ABCA8: variants seen among roughly 807,000 people sequenced by gnomAD.
ABCA8 encodes ABC-type organic anion transporter ABCA8.
Under a neutral mutation model 192.3 loss-of-function variants are expected in ABCA8, and 177 were observed. The ratio of observed to expected loss-of-function variants is 0.92; its 90% confidence interval spans 0.81 to 1.04. ABCA8 has a LOEUF of 1.04. Ranked by LOEUF, ABCA8 falls within the 50% of genes least tolerant of loss-of-function variation. ABCA8 has a pLI of 0.00. For missense variants in ABCA8, 1,915 were observed against 1,904.8 expected, an observed-to-expected ratio of 1.01 and a Z score of -0.10; for synonymous variants, 642 against 690.2, an observed-to-expected ratio of 0.93 and a Z score of 1.09.
At chr17:68,931,761 C>CTTTTTTTTTTTTTTT (rs71144640) in intron 7 of ABCA8, 6 of 96,194 alleles carry the variant, frequency 6.2e-5, no homozygotes, top group Non-Finnish European at 9.9e-5. Flanking sequence ...AATACATTTC[C>CTTTTTTTTTTTTTTT]TTTTTTTTTT....
chr17:68,906,045 C>A lies in ABCA8; in HGVS notation c.2397G>T (p.Ser799=). 6.3e-7 allele frequency: 1 copy of A among 1,580,994 alleles called. No individual in the cohort carries two copies. Among genetic ancestry groups the A allele is most frequent in the Non-Finnish European group, 8.6e-7 (1 of 1,164,710 alleles). The change falls in exon 19 of 40, where the codon TCG becomes TCT. Residue 799 remains serine, a splice_region_variant and synonymous_variant. Transcript: ENST00000586539. ...KLEGKSTINE[S]DIAILGEVQA... ...ATAATTTTCATGCATTTTATTTACC[C>A]GATTCATTAATTGTAGATTTTCCTT...
At chr17:68,884,028 A>T (rs778360557) in intron 28 of ABCA8, 146 bp from the exon 29 acceptor site, 13 of 632,940 alleles carry the variant, frequency 2.1e-5, no homozygotes, top group Non-Finnish European at 3.2e-5. Context: ...CAAATTGTGA[A>T]ACTATCAAGT....
intron 25 of ABCA8, 68 bp downstream of exon 25, chr17:68,887,247 TAAATATTGATAGAAATGTTCC>T: frequency 7.3e-7 from 1 of 1,362,258 alleles, no homozygotes; most frequent in South Asian, 1.5e-5. Context: ...TATGACCATA[TAAATATTGATAGAAATGTTCC>T]AAAATTTCAA....
chr17:68,907,833 C>G lies in ABCA8; in HGVS notation c.2185G>C (p.Val729Leu), dbSNP rs1230929069. ...TTGGCATCAGGGATGTGCTGTTTAA[C>G]AAGTGATGTTATGTTTTCCTCAACA... ...ICVEENITSL[V>L]KQHIPDAKLS... Residue 729 changes from valine (V) to leucine (L), a missense_variant, in exon 18 of 40, where the codon GTT becomes CTT. Coordinates refer to ENST00000586539, the MANE Select transcript of ABCA8 (RefSeq NM_001288985.2). 1.2e-6 allele frequency: 2 copies of G among 1,602,046 alleles called. No homozygotes were observed. The highest frequency in any genetic ancestry group is 1.7e-6 in the Non-Finnish European group (2 of 1,174,966).
rs756333899 is a variant in ABCA8, at chr17:68,937,121, G to A, written c.302-6C>T. The A allele has an allele frequency of 2.5e-6, 4 of 1,581,192 alleles. No homozygotes were observed. Among genetic ancestry groups the A allele is most frequent in the Non-Finnish European group, 3.4e-6 (4 of 1,168,630 alleles). ...CAGTCCCAAGACCTCTTTACCTTTTGTTACAAGAAGGAATATTATTGTTAG... is the reference window on the plus strand; with the variant it reads ...CAGTCCCAAGACCTCTTTACCTTTTATTACAAGAAGGAATATTATTGTTAG... On this transcript the variant is annotated splice_polypyrimidine_tract_variant and splice_region_variant and intron_variant, in intron 4 of 39. Transcript: ENST00000586539.
intron 20 of ABCA8, 106 bp from the exon 21 acceptor site, chr17:68,902,985 A>G: frequency 1.0e-6 from 1 of 986,214 alleles, no homozygotes; most frequent in South Asian, 1.8e-5. Flanking sequence ...AAAATTAAAC[A>G]CAATTAACTG....
At position 68,872,500 on chromosome 17, in the gene ABCA8, C is replaced by T. The variant is rs1385577405; in HGVS notation, c.4632-2721G>A. On this transcript the variant is annotated intron_variant, in intron 37 of 39. Coordinates refer to ENST00000586539, the MANE Select transcript of ABCA8 (RefSeq NM_001288985.2). ...CTAGATGACGAGTTAGTGGGTGCAG[C>T]GCACCAGCATGGCACATGTATACAT... Among the ~76,000 whole-genome samples, 12 of 149,950 alleles carry T rather than the reference C, an allele frequency of 8.0e-5. No homozygotes were observed. The South Asian group carries it at 1.1e-3, about 13-fold the overall frequency.
intron 31 of ABCA8, among the ~76,000 whole-genome samples, chr17:68,881,607 A>C (rs774024468): frequency 3.9e-5 from 6 of 152,240 alleles, no homozygotes; most frequent in Non-Finnish European, 8.8e-5. Flanking sequence ...AATTGTGTTC[A>C]TTTAATAGAA....
chr17:68,922,223 T>C lies in ABCA8; in HGVS notation c.1501+19A>G, dbSNP rs764579997. ...TTTTTTTTTTTTTTTTTTTTTTTTT[T>C]TTTTTTTTTTTTTTTTACCTTTCAA... On this transcript the variant is annotated intron_variant, in intron 12 of 39. Coordinates refer to ENST00000586539, the MANE Select transcript of ABCA8 (RefSeq NM_001288985.2). 8.4e-4 allele frequency: 144 copies of C among 170,464 alleles called. 9 individuals carry two copies. The highest frequency in any genetic ancestry group is 3.9e-3 in the Middle Eastern group (2 of 510). The allele number at this position is 170,464 out of a possible 1,614,324, so 10.6% of individuals were successfully genotyped here. A position where few individuals can be genotyped will look rare whatever the true frequency, so the allele number is the denominator to read the frequency against.
chr17:68,868,021 G>T lies in ABCA8; in HGVS notation c.*64C>A. The T allele has an allele frequency of 8.8e-7, 1 of 1,134,338 alleles. No homozygotes were observed. Among genetic ancestry groups the T allele is most frequent in the Non-Finnish European group, 1.3e-6 (1 of 794,410 alleles). The allele number at this position is 1,134,338 out of a possible 1,614,324, so 70.3% of individuals were successfully genotyped here. A position where few individuals can be genotyped will look rare whatever the true frequency, so the allele number is the denominator to read the frequency against. On this transcript the variant is annotated 3_prime_UTR_variant, in exon 40 of 40. Coordinates refer to ENST00000586539, the MANE Select transcript of ABCA8 (RefSeq NM_001288985.2). ...TAGTTTCTAAAAATAGAACATTGCT[G>T]CTATAAAAATAAATGTATTTAAAAA...
At chr17:68,883,712 G>T (rs965613339) in intron 29 of ABCA8, 79 bp downstream of exon 29, 2 of 934,854 alleles carry the variant, frequency 2.1e-6, no homozygotes, top group Non-Finnish European at 3.3e-6. Context: ...GCACCTCTTT[G>T]TTAATGAATT....
chr17:68,932,825 G>A (rs1021605545), intron 6 of ABCA8, among the ~76,000 whole-genome samples: 2 of 152,144 alleles, frequency 1.3e-5, no homozygotes, highest in Admixed American at 6.5e-5. Flanking sequence ...GCTTCAAGCT[G>A]GAATGTTATT....
intron 2 of ABCA8, among the ~76,000 whole-genome samples, chr17:68,947,050 AT>A (rs1308799445): frequency 6.6e-6 from 1 of 152,150 alleles, no homozygotes; most frequent in African/African-American, 2.4e-5. Flanking sequence ...CTACAGTTCA[AT>A]TTATATTAGC....
intron 1 of ABCA8, among the ~76,000 whole-genome samples, chr17:68,954,356 A>C (rs2068654911): frequency 6.6e-6 from 1 of 152,154 alleles, no homozygotes; most frequent in Non-Finnish European, 1.5e-5. Context: ...CTACAGTCTT[A>C]GGTAGCATGC....
At position 68,867,758 on chromosome 17, in the gene ABCA8, TA is replaced by T. The variant is rs1029724897; in HGVS notation, c.*326del. ...AAAAAAAGTGTTTTAAGATTTTTATTAAAAAAATTTAAACAAAATTTGTTTA... is the reference window on the plus strand; with the variant it reads ...AAAAAAAGTGTTTTAAGATTTTTATTAAAAAATTTAAACAAAATTTGTTTA... On this transcript the variant is annotated 3_prime_UTR_variant, in exon 40 of 40. Coordinates refer to ENST00000586539, the MANE Select transcript of ABCA8 (RefSeq NM_001288985.2). 239 of 171,822 alleles carry T rather than the reference TA, an allele frequency of 1.4e-3. 2 individuals are homozygous for T. The highest frequency in any genetic ancestry group is 6.5e-4 in the Non-Finnish European group (53 of 81,588). The allele number at this position is 171,822 out of a possible 1,614,324, so 10.6% of individuals were successfully genotyped here.
chr17:68,936,284 T>A (rs1490567079), intron 5 of ABCA8, among the ~76,000 whole-genome samples: 1 of 152,070 alleles, frequency 6.6e-6, no homozygotes, highest in Non-Finnish European at 1.5e-5. Context: ...TATTCCTAGT[T>A]TTTTCTTCCT....
At chr17:68,873,762 C>T (rs1463822252) in intron 37 of ABCA8, among the ~76,000 whole-genome samples, 1 of 152,138 alleles carries the variant, frequency 6.6e-6, no homozygotes, top group South Asian at 2.1e-4. Context: ...CATTCTTCTG[C>T]ATGTGGATAT....
Position 68,941,982 on chromosome 17 carries a change from T to C in ABCA8, c.53A>G (p.Lys18Arg). Residue 18 changes from lysine (K) to arginine (R), a missense_variant, in exon 3 of 40, where the codon AAG becomes AGG. By Grantham distance (26) the Lys-to-Arg change is conservative (BLOSUM62 2). Transcript: ENST00000586539. ...CATTCTCCATTTTTTAAGAAAGTTC[T>C]TGCATAATAAGGCCCAAGTTTGTTG... ...VCQQTWALLC[K>R]NFLKKWRMKR... 1 of 1,613,386 alleles carries C rather than the reference T, an allele frequency of 6.2e-7. No individual in the cohort carries two copies. The highest frequency in any genetic ancestry group is 8.5e-7 in the Non-Finnish European group (1 of 1,179,492).
At chr17:68,937,386 A>G (rs2068096868) in intron 4 of ABCA8, among the ~76,000 whole-genome samples, 1 of 152,172 alleles carries the variant, frequency 6.6e-6, no homozygotes, top group Non-Finnish European at 1.5e-5. Flanking sequence ...ATGTCCTACT[A>G]TACCAATTAA....
Sources: gnomAD v4.1 joint callset for allele counts (sites outside exome capture counted in the v4.1 genomes callset) on GRCh38, gnomAD v4.1.1 for gene constraint, MANE v1.5 for transcripts, NCBI Gene and HGNC (gene_info 2026-07-23, HGNC 2026-07-21) for gene names.